The following SYNPR variants were observed in gnomAD, a reference collection of about 807,000 sequenced individuals.
SYNPR encodes synaptoporin.
Under a neutral mutation model 32.9 loss-of-function variants are expected in SYNPR, and 23 were observed. The observed-to-expected ratio is 0.70, with a 90% CI of 0.50 to 0.99. SYNPR has a LOEUF of 0.99. SYNPR is among the 50% of genes least tolerant of loss of function. SYNPR has a pLI of 0.00. For synonymous variants in SYNPR, 146 were observed against 135.9 expected (o/e 1.07, Z -0.52); for missense variants, 318 against 349.3 (o/e 0.91, Z 0.71).
At chr3:63,323,072 A>G (rs1365544367) in intron 2 of SYNPR, among the ~76,000 whole-genome samples, 1 of 152,100 alleles carries the variant, frequency 6.6e-6, no homozygotes, top group Non-Finnish European at 1.5e-5. Context: ...CAGAAAAGGC[A>G]CAAAGCAGGA....
chr3:63,439,735 T>C (rs1380930252), intron 2 of SYNPR, among the ~76,000 whole-genome samples: 15 of 152,100 alleles, frequency 9.9e-5, no homozygotes, highest in Admixed American at 9.8e-4. Context: ...AATGAAGAGG[T>C]AAAAATAATC....
At chr3:63,251,333 A>C (rs1371547711) in intron 1 of SYNPR, among the ~76,000 whole-genome samples, 4 of 152,146 alleles carry the variant, frequency 2.6e-5, no homozygotes, top group African/African-American at 9.7e-5. Flanking sequence ...TCAAAAAAAA[A>C]ATCCCTGGGT....
chr3:63,497,340 C>G (rs1033585276), intron 3 of SYNPR, among the ~76,000 whole-genome samples: 1 of 152,040 alleles, frequency 6.6e-6, no homozygotes, highest in African/African-American at 2.4e-5. Context: ...TTTTCTAGTC[C>G]CTGTTTCCTC....
chr3:63,575,783 G>A (rs548056702), intron 4 of SYNPR, among the ~76,000 whole-genome samples: 6 of 152,158 alleles, frequency 3.9e-5, no homozygotes, highest in South Asian at 4.1e-4. Flanking sequence ...GGAAACTTGC[G>A]AAAGGGTGAA....
chr3:63,506,946 G>T (rs1368759362), intron 3 of SYNPR, among the ~76,000 whole-genome samples: 1 of 152,046 alleles, frequency 6.6e-6, no homozygotes, highest in Non-Finnish European at 1.5e-5. Flanking sequence ...TAGCATAAAT[G>T]ATGAAGAAGA....
At chr3:63,429,288 G>C (rs1366653870) in intron 2 of SYNPR, among the ~76,000 whole-genome samples, 2 of 152,300 alleles carry the variant, frequency 1.3e-5, no homozygotes, top group East Asian at 3.9e-4. Flanking sequence ...CTTCTTCTCT[G>C]TAGAGCATGT....
chr3:63,452,206 G>A (rs146206174), intron 2 of SYNPR: 2 of 613,002 alleles, frequency 3.3e-6, no homozygotes, highest in South Asian at 1.9e-5. Context: ...GCCACTGGGT[G>A]CCGGGTTAAG....
the SYNPR span, among the ~76,000 whole-genome samples, chr3:63,210,215 T>C: frequency 7.9e-5 from 12 of 152,314 alleles, no homozygotes; most frequent in African/African-American, 2.2e-4. Context: ...CCAGTATTAG[T>C]TGTTAACTAC....
chr3:63,314,233 G>C (rs1292103729), intron 2 of SYNPR, among the ~76,000 whole-genome samples: 1 of 150,724 alleles, frequency 6.6e-6, no homozygotes, highest in Non-Finnish European at 1.5e-5. Flanking sequence ...CCTCCAGGTA[G>C]ATACCCAGTA....
intron 2 of SYNPR, among the ~76,000 whole-genome samples, chr3:63,317,356 G>T (rs1476417952): frequency 2.0e-5 from 3 of 151,758 alleles, no homozygotes; most frequent in African/African-American, 7.3e-5. Flanking sequence ...CTATTATTGT[G>T]TTGCTGTCTA....
intron 2 of SYNPR, among the ~76,000 whole-genome samples, chr3:63,375,895 T>C (rs2167353): frequency 0.13 from 19,385 of 152,196 alleles, 2,063 homozygotes; most frequent in East Asian, 0.59. Context: ...TAAAGTCATC[T>C]AGGAATTAAT....
intron 2 of SYNPR, among the ~76,000 whole-genome samples, chr3:63,352,706 G>A (rs2087525960): frequency 6.6e-6 from 1 of 152,144 alleles, no homozygotes; most frequent in Non-Finnish European, 1.5e-5. Flanking sequence ...AAAGGAAAGA[G>A]GTTTAATTGA....
chr3:63,480,891 T>A lies in SYNPR; in HGVS notation c.144T>A (p.Ser48Arg). 1 of 1,613,664 alleles carries A rather than the reference T, an allele frequency of 6.2e-7. No homozygotes were observed. Among genetic ancestry groups the A allele is most frequent in the Middle Eastern group, 1.7e-4 (1 of 6,058 alleles). Residue 48 changes from serine (S) to arginine (R), a missense_variant, in exon 3 of 6, where the codon AGT becomes AGA. Physicochemically the swap from Ser to Arg is moderately radical, Grantham distance 110 (BLOSUM62 -1). Coordinates refer to ENST00000478300, the MANE Select transcript of SYNPR (RefSeq NM_001130003.2). ...GCTATTCTGGAGGCCTGCGGCTGAG[T>A]GTGGACTGCGTCAACAAGACAGAAA... The part of the protein sequence containing the change: ...CGGYSGGLRL[S>R]VDCVNKTESN...
At chr3:63,565,861 T>C (rs187496425) in intron 4 of SYNPR, among the ~76,000 whole-genome samples, 4 of 152,278 alleles carry the variant, frequency 2.6e-5, no homozygotes, top group South Asian at 4.2e-4. Context: ...TTCCTCTGGG[T>C]CCAGGAACCT....
intron 3 of SYNPR, among the ~76,000 whole-genome samples, chr3:63,524,849 GTGCA>G (rs1159525919): frequency 6.7e-5 from 9 of 134,230 alleles, no homozygotes; most frequent in African/African-American, 2.3e-4. Context: ...GTGTGTGTGT[GTGCA>G]TGTGTGTGTG....
intron 2 of SYNPR, among the ~76,000 whole-genome samples, chr3:63,298,428 G>A (rs9851999): frequency 0.33 from 50,703 of 151,912 alleles, 8,816 homozygotes; most frequent in South Asian, 0.46. Context: ...GTTAGGAAAT[G>A]ATCCCAGGAA....
intron 2 of SYNPR, among the ~76,000 whole-genome samples, chr3:63,305,420 G>A (rs1325040789): frequency 6.6e-6 from 1 of 151,978 alleles, no homozygotes; most frequent in Non-Finnish European, 1.5e-5. Context: ...CAACCAATAA[G>A]CATTATGACA....
intron 2 of SYNPR, among the ~76,000 whole-genome samples, chr3:63,264,927 G>GGC (rs369024899): frequency 1.1e-3 from 14 of 12,924 alleles, no homozygotes; most frequent in Admixed American, 6.8e-3. Flanking sequence ...TCAGAATCAT[G>GGC]GGGGAGCCAT....
chr3:63,365,902 A>T (rs1575611794), intron 2 of SYNPR, among the ~76,000 whole-genome samples: 1 of 152,312 alleles, frequency 6.6e-6, no homozygotes, highest in Middle Eastern at 3.4e-3. Flanking sequence ...GGCACACCTC[A>T]TATTCTGATT....
Sources: allele counts gnomAD v4.1 joint callset (sites outside exome capture counted in the v4.1 genomes callset), GRCh38; gene constraint gnomAD v4.1.1; transcripts MANE v1.5; gene names NCBI Gene and HGNC (gene_info 2026-07-23, HGNC 2026-07-21).